Variants in ABCG2 observed in about 807,000 individuals in gnomAD.
ABCG2 encodes the protein ATP binding cassette subfamily G member 2 (JR blood group), also known as broad substrate specificity ATP-binding cassette transporter ABCG2.
Under a neutral mutation model 73.5 loss-of-function variants are expected in ABCG2, and 80 were observed. That is an observed-to-expected ratio of 1.09 (90% CI 0.91 to 1.31). The LOEUF (loss-of-function observed/expected upper bound fraction) is 1.31, where lower values mean the gene tolerates loss of function less well. ABCG2 is among the 50% of genes most tolerant of loss of function. The pLI, the probability that ABCG2 is intolerant of heterozygous loss-of-function variation, is 0.00. For synonymous variants in ABCG2, 269 were observed against 282.4 expected, an observed-to-expected ratio of 0.95 and a Z score of 0.48; for missense variants, 796 against 786.2, an observed-to-expected ratio of 1.01 and a Z score of -0.15.
chr4:88,115,755 G>C (rs1723534249), intron 7 of ABCG2, among the ~76,000 whole-genome samples: 1 of 152,056 alleles, frequency 6.6e-6, no homozygotes, highest in Non-Finnish European at 1.5e-5. Context: ...ATGCTCTGGT[G>C]CTTAACAGTA....
intron 15 of ABCG2, 70 bp from the exon 16 acceptor site, chr4:88,092,451 T>C: frequency 2.0e-6 from 3 of 1,512,078 alleles, no homozygotes; most frequent in Admixed American, 4.3e-5. Context: ...GTATATCCAC[T>C]GTTCCTTAAA....
At chr4:88,180,349 T>C (rs1313834532) in intron 1 of ABCG2, among the ~76,000 whole-genome samples, 2 of 151,870 alleles carry the variant, frequency 1.3e-5, no homozygotes, top group African/African-American at 4.8e-5. Flanking sequence ...TATGGAAAAA[T>C]AAAGACTTCC....
chr4:88,210,074 G>C (rs1177743426), intron 1 of ABCG2, among the ~76,000 whole-genome samples: 1 of 152,100 alleles, frequency 6.6e-6, no homozygotes, highest in African/African-American at 2.4e-5. Flanking sequence ...CTATTACCTT[G>C]TGGGTATTCC....
At chr4:88,199,586 T>A (rs1240296244) in intron 1 of ABCG2, among the ~76,000 whole-genome samples, 2 of 152,230 alleles carry the variant, frequency 1.3e-5, no homozygotes, top group Non-Finnish European at 2.9e-5. Context: ...CTTAGAATTC[T>A]GTATACTGTG....
At chr4:88,229,098 T>G (rs1323331243) in intron 1 of ABCG2, among the ~76,000 whole-genome samples, 2 of 152,246 alleles carry the variant, frequency 1.3e-5, no homozygotes, top group Non-Finnish European at 2.9e-5. Flanking sequence ...TCTTTCGCTC[T>G]TCATAATAAA....
chr4:88,210,850 C>T (rs1729563102), intron 1 of ABCG2, among the ~76,000 whole-genome samples: 1 of 152,094 alleles, frequency 6.6e-6, no homozygotes, highest in Non-Finnish European at 1.5e-5. Context: ...GCATAAGCCA[C>T]CACACCTGAC....
At chr4:88,202,092 C>T (rs937184432) in intron 1 of ABCG2, among the ~76,000 whole-genome samples, 18 of 151,730 alleles carry the variant, frequency 1.2e-4, no homozygotes, top group Admixed American at 9.9e-4. Flanking sequence ...AAATGAATAT[C>T]GGTGAAGTAT....
At chr4:88,174,312 C>T (rs1224472454) in intron 1 of ABCG2, among the ~76,000 whole-genome samples, 1 of 152,098 alleles carries the variant, frequency 6.6e-6, no homozygotes, top group Non-Finnish European at 1.5e-5. Context: ...CTAATGCTTT[C>T]CCTCTCCTTG....
chr4:88,158,023 A>G (rs1727067573), intron 1 of ABCG2, among the ~76,000 whole-genome samples: 1 of 152,204 alleles, frequency 6.6e-6, no homozygotes, highest in South Asian at 2.1e-4. Context: ...CAACCCCTTT[A>G]AAATATTAAC....
Position 88,145,537 on chromosome 4 carries a change from C to T in ABCG2, c.-19-5523G>A, listed in dbSNP as rs114726329. On this transcript the variant is annotated intron_variant, in intron 1 of 15. Transcript: ENST00000237612. ...GATCTGGAGAACGCGGCCTAATTCCCGACAGACAGGAAGAGACCCCATCAC... is the reference window on the plus strand; with the variant it reads ...GATCTGGAGAACGCGGCCTAATTCCTGACAGACAGGAAGAGACCCCATCAC... 4.8e-3 allele frequency among the ~76,000 whole-genome samples: 728 copies of T among 152,178 alleles called. 7 individuals carry two copies. The highest frequency in any genetic ancestry group is 0.017 in the African/African-American group (693 of 41,522).
In ABCG2 at chr4:88,113,386, T is replaced by A. The variant is rs1266866689; in HGVS notation, c.1111A>T (p.Thr371Ser). 1.2e-6 allele frequency: 2 copies of A among 1,613,892 alleles called. No individual in the cohort carries two copies. Among genetic ancestry groups the A allele is most frequent in the East Asian group, 4.5e-5 (2 of 44,870 alleles). ...ITVFKEISYT[T>S]SFCHQLRWVS... ...CATCTGAGTTGATGACAGAAGGAGG[T>A]GGTGTAGCTGATCTCCTTGAAGACT... Residue 371 changes from threonine to serine, a missense_variant, in exon 9 of 16, where the codon ACC becomes TCC. Transcript: ENST00000237612.
chr4:88,220,675 C>T (rs1407416798), intron 1 of ABCG2: 1 of 152,406 alleles, frequency 6.6e-6, no homozygotes, highest in African/African-American at 2.4e-5. Context: ...TATGTCCCTA[C>T]CCAAATCTCA....
At chr4:88,139,314 G>A (rs1725462079) in intron 2 of ABCG2, among the ~76,000 whole-genome samples, 1 of 151,968 alleles carries the variant, frequency 6.6e-6, no homozygotes, top group South Asian at 2.1e-4. Flanking sequence ...TGTACAGTGG[G>A]ACAATCATCG....
intron 2 of ABCG2, among the ~76,000 whole-genome samples, chr4:88,135,174 C>T (rs186867300): frequency 2.8e-4 from 43 of 152,326 alleles, no homozygotes; most frequent in African/African-American, 9.4e-4. Context: ...CTACAATTCA[C>T]TGGCCTGCCC....
At position 88,150,202 on chromosome 4, in the gene ABCG2, T is replaced by C. The variant is rs185680024; in HGVS notation, c.-20+8184A>G. ...TGTGGTGGCGCATACCTGTAATTCC[T>C]GCTACTTGGGAGACTGAGGCACAAG... On this transcript the variant is annotated intron_variant, in intron 1 of 15. Transcript: ENST00000237612. Among the ~76,000 whole-genome samples, 557 of 152,058 alleles carry C rather than the reference T, an allele frequency of 3.7e-3. 2 individuals carry two copies. The highest frequency in any genetic ancestry group is 0.012 in the African/African-American group (498 of 41,456).
At chr4:88,204,863 C>T (rs1729319735) in intron 1 of ABCG2, among the ~76,000 whole-genome samples, 1 of 152,142 alleles carries the variant, frequency 6.6e-6, no homozygotes, top group South Asian at 2.1e-4. Flanking sequence ...ATTTGAATTT[C>T]ATTATTAGAG....
intron 1 of ABCG2, among the ~76,000 whole-genome samples, chr4:88,183,312 A>G (rs1728332581): frequency 6.6e-6 from 1 of 151,994 alleles, no homozygotes; most frequent in African/African-American, 2.4e-5. Context: ...AACAAAATTG[A>G]CAAACCTTTA....
intron 2 of ABCG2, among the ~76,000 whole-genome samples, chr4:88,134,228 A>T (rs981459555): frequency 1.3e-5 from 2 of 152,238 alleles, no homozygotes; most frequent in African/African-American, 4.8e-5. Flanking sequence ...TACAATTATG[A>T]GTGATAAGCA....
At chr4:88,215,176 G>A (rs924527752) in intron 1 of ABCG2, among the ~76,000 whole-genome samples, 2 of 152,156 alleles carry the variant, frequency 1.3e-5, no homozygotes, top group African/African-American at 4.8e-5. Flanking sequence ...TAAATTATAA[G>A]GGTGTTAGAC....
Sources: gnomAD v4.1 joint callset for allele counts (sites outside exome capture counted in the v4.1 genomes callset) on GRCh38, gnomAD v4.1.1 for gene constraint, MANE v1.5 for transcripts, NCBI Gene and HGNC (gene_info 2026-07-23, HGNC 2026-07-21) for gene names.